The following ADAMDEC1 variants were observed in gnomAD, a reference collection of about 807,000 sequenced individuals.
ADAMDEC1 encodes ADAM like decysin 1.
ADAMDEC1 carries 62 observed loss-of-function variants against 60.4 expected under a neutral mutation model. The ratio of observed to expected loss-of-function variants is 1.03; its 90% CI spans 0.84 to 1.27. The LOEUF is 1.27. Among genes scored for constraint, ADAMDEC1 ranks in the 50% most tolerant of loss-of-function variants. The pLI is 0.00. For missense variants in ADAMDEC1, 595 were observed against 565.0 expected (o/e 1.05, Z -0.54); for synonymous variants, 210 against 195.1 (o/e 1.08, Z -0.64).
chr8:24,386,508 G>T lies in ADAMDEC1; in HGVS notation c.88+1916G>T, dbSNP rs7010014. Among the ~76,000 whole-genome samples the T allele has an allele frequency of 6.7e-3, 1,017 of 152,250 alleles. 8 individuals carry two copies. Among genetic ancestry groups the T allele is most frequent in the African/African-American group, 0.024 (979 of 41,540 alleles). ...GGATTGCAAGAAGGTTTTACTTGGC[G>T]TTCTGCCATATTCACCAATCTACTG... is the stretch of plus-strand genomic sequence containing the variant. On this transcript the variant is annotated intron_variant, in intron 1 of 13. Coordinates refer to ENST00000256412, the MANE Select transcript of ADAMDEC1 (RefSeq NM_014479.3).
At position 24,398,435 on chromosome 8, in the gene ADAMDEC1, G is replaced by T. The variant is rs534148489; in HGVS notation, c.691-45G>T. ...ATCTTGTATGCCATCAGCTTTCTCA[G>T]TGTAATCTGCTATTTCACTATACTT... is the stretch of plus-strand genomic sequence containing the variant. On this transcript the variant is annotated intron_variant, in intron 7 of 13. Transcript: ENST00000256412. 9.4e-6 allele frequency: 11 copies of T among 1,173,390 alleles called. No individual in the cohort carries two copies. In the Admixed American group the frequency reaches 1.1e-4, roughly 11 times the overall value. The allele number at this position is 1,173,390 out of a possible 1,614,324, so 72.7% of individuals were successfully genotyped here.
rs138697325 is a variant in ADAMDEC1 at position 24,404,714 on chromosome 8, T to C, written c.1407-578T>C. Among the ~76,000 whole-genome samples the C allele has an allele frequency of 2.7e-3, 404 of 152,240 alleles. 3 individuals carry two copies. The highest frequency in any genetic ancestry group is 9.0e-3 in the African/African-American group (375 of 41,538). The stretch of plus-strand genomic sequence containing the variant: ...GGGAAAGACTCAGGATACATTTTCT[T>C]TACTCCTCTTTCCCAATTCTTTTCT... On this transcript the variant is annotated intron_variant, in intron 13 of 13. Transcript: ENST00000256412.
At chr8:24,404,724 T>C (rs1476565938) in intron 13 of ADAMDEC1, among the ~76,000 whole-genome samples, 1 of 152,176 alleles carries the variant, frequency 6.6e-6, no homozygotes, top group Admixed American at 6.5e-5. Flanking sequence ...TTACTCCTCT[T>C]TCCCAATTCT....
chr8:24,391,077 C>T (rs1817434436), intron 1 of ADAMDEC1, among the ~76,000 whole-genome samples: 1 of 152,056 alleles, frequency 6.6e-6, no homozygotes, highest in African/African-American at 2.4e-5. Context: ...TCTAGATTTC[C>T]TGTTTTAGTA....
At chr8:24,385,877 C>T (rs138653600) in intron 1 of ADAMDEC1, among the ~76,000 whole-genome samples, 3 of 151,976 alleles carry the variant, frequency 2.0e-5, no homozygotes, top group South Asian at 2.1e-4. Flanking sequence ...CCTGTGCTGT[C>T]GGATGAGAAT....
chr8:24,400,086 C>A, intron 10 of ADAMDEC1, 84 bp from the exon 11 acceptor site: 2 of 1,154,620 alleles, frequency 1.7e-6, no homozygotes, highest in Non-Finnish European at 1.2e-6. Context: ...CACTAGTTTT[C>A]ATCTCTTAAG....
intron 11 of ADAMDEC1, among the ~76,000 whole-genome samples, chr8:24,401,504 T>A (rs1817764608): frequency 6.6e-6 from 1 of 152,068 alleles, no homozygotes; most frequent in Non-Finnish European, 1.5e-5. Flanking sequence ...AGGAGAGAAA[T>A]ATTTCCATAA....
intron 2 of ADAMDEC1, among the ~76,000 whole-genome samples, chr8:24,392,608 C>T (rs1042020904): frequency 6.6e-6 from 1 of 152,138 alleles, no homozygotes; most frequent in Non-Finnish European, 1.5e-5. Flanking sequence ...GATAAAGCTG[C>T]TTAGACATTT....
intron 5 of ADAMDEC1, 30 bp from the exon 6 acceptor site, chr8:24,397,240 T>A: frequency 6.3e-7 from 1 of 1,582,208 alleles, no homozygotes; most frequent in Non-Finnish European, 8.6e-7. Context: ...GTGTCAGGAA[T>A]CCTGAAATAT....
At chr8:24,392,899 T>TTTG (rs1409306961) in intron 2 of ADAMDEC1, among the ~76,000 whole-genome samples, 1 of 147,434 alleles carries the variant, frequency 6.8e-6, no homozygotes, top group Non-Finnish European at 1.5e-5. Context: ...TTTTTTTTTT[T>TTTG]TTTTTTTTTT....
rs932119731 is a variant in ADAMDEC1, at chr8:24,394,148, G to A, written c.363+1G>A. The A allele has an allele frequency of 4.4e-6, 7 of 1,605,910 alleles. No homozygotes were observed. The highest frequency in any genetic ancestry group is 1.3e-5 in the African/African-American group (1 of 74,730). On this transcript the variant is annotated splice_donor_variant, in intron 4 of 13. Transcript: ENST00000256412. LOFTEE classifies it high-confidence loss of function. ...AATTACCACGAAACCTGAGAACATG[G>A]TAGGGTCCGAATACTTTGTGGGTCT... is the stretch of plus-strand genomic sequence containing the variant.
At chr8:24,391,039 T>C (rs13270982) in intron 1 of ADAMDEC1, among the ~76,000 whole-genome samples, 51,363 of 152,042 alleles carry the variant, frequency 0.34, 10,247 homozygotes, top group Non-Finnish European at 0.43. Context: ...ATATTCTCTT[T>C]TAATAAAAGA....
intron 11 of ADAMDEC1, 104 bp from the exon 12 acceptor site, chr8:24,401,811 A>C: frequency 1.9e-6 from 2 of 1,037,626 alleles, no homozygotes; most frequent in Non-Finnish European, 2.8e-6. Context: ...TCGGTAATAC[A>C]GTTAGATAAA....
intron 3 of ADAMDEC1, 84 bp downstream of exon 3, chr8:24,393,422 G>A: frequency 1.1e-6 from 1 of 945,394 alleles, no homozygotes. Context: ...ATTTAGTGTG[G>A]TTTGACATAG....
At chr8:24,389,841 C>T (rs1415055147) in intron 1 of ADAMDEC1, among the ~76,000 whole-genome samples, 2 of 152,126 alleles carry the variant, frequency 1.3e-5, no homozygotes, top group African/African-American at 4.8e-5. Context: ...ATGGTTCAGT[C>T]CCGCATCTTC....
intron 3 of ADAMDEC1, 68 bp downstream of exon 3, chr8:24,393,406 G>T: frequency 8.9e-7 from 1 of 1,128,884 alleles, no homozygotes; most frequent in African/African-American, 1.6e-5. Flanking sequence ...ATCTTTTTGA[G>T]GCTCCATTTA....
chr8:24,396,827 G>C (rs1166909264), intron 5 of ADAMDEC1, among the ~76,000 whole-genome samples: 1 of 152,178 alleles, frequency 6.6e-6, no homozygotes, highest in African/African-American at 2.4e-5. Context: ...ATTATAGAAA[G>C]AGGGATTCTT....
At position 24,401,951 on chromosome 8, in the gene ADAMDEC1, T is replaced by C. The variant is rs770530997; in HGVS notation, c.1179T>C (p.Arg393=). 6.2e-7 allele frequency: 1 copy of C among 1,612,768 alleles called. No homozygotes were observed. Among genetic ancestry groups the C allele is most frequent in the South Asian group, 1.1e-5 (1 of 91,020 alleles). The stretch of plus-strand genomic sequence containing the variant: ...CAAAGGATTTCAGTACATCTTGCCG[T>C]GCACATTTTGAAAGATACCTTTTAT... ...KFPKDFSTSC[R]AHFERYLLSQ... Residue 393 remains arginine (R), a synonymous_variant, in exon 12 of 14, where the codon CGT becomes CGC. Coordinates refer to ENST00000256412, the MANE Select transcript of ADAMDEC1 (RefSeq NM_014479.3).
At chr8:24,385,093 T>C (rs181377629) in intron 1 of ADAMDEC1, among the ~76,000 whole-genome samples, 2 of 152,260 alleles carry the variant, frequency 1.3e-5, no homozygotes, top group African/African-American at 4.8e-5. Context: ...AGATTGATTA[T>C]TGATATTATT....
Sources: gnomAD v4.1 joint callset for allele counts (sites outside exome capture counted in the v4.1 genomes callset) on GRCh38, gnomAD v4.1.1 for gene constraint, MANE v1.5 for transcripts, NCBI Gene and HGNC (gene_info 2026-07-23, HGNC 2026-07-21) for gene names.